The following POTEF variants were observed in gnomAD, a reference collection of about 807,000 sequenced individuals.
POTEF encodes the protein ANKRD26-like family C member 1B.
POTEF carries 20 observed loss-of-function variants against 83.2 expected under a neutral mutation model. The observed-to-expected ratio is 0.24, with a 90% CI of 0.17 to 0.35. POTEF has a LOEUF of 0.35. Among genes scored for constraint, POTEF ranks in the 10% least tolerant of loss-of-function variants. The probability of loss-of-function intolerance (pLI) is 1.00; values close to 1 mark genes in which losing one functional copy is unlikely to be tolerated. For missense variants in POTEF, 550 were observed against 1,203.2 expected, an observed-to-expected ratio of 0.46 and a Z score of 8.03; for synonymous variants, 196 against 446.4, an observed-to-expected ratio of 0.44 and a Z score of 7.07.
At position 130,073,984 on chromosome 2, in the gene POTEF, C is replaced by T; in HGVS notation, c.*260G>A. On this transcript the variant is annotated 3_prime_UTR_variant, in exon 17 of 17. Transcript: ENST00000409914. ...GGGCTTCCTGAAACAATGCGTCTCA[C>T]AATATTTGGAATGACTATTGAAAAG... The T allele has an allele frequency of 1.4e-6, 1 of 735,200 alleles. No homozygotes were observed. The highest frequency in any genetic ancestry group is 2.2e-6 in the Non-Finnish European group (1 of 463,410). The allele number at this position is 735,200 out of a possible 1,614,324, so 45.5% of individuals were successfully genotyped here. A position where few individuals can be genotyped will look rare whatever the true frequency, so the allele number is the denominator to read the frequency against.
chr2:130,118,523 C>T lies in POTEF; in HGVS notation c.521+1472G>A, dbSNP rs564910104. On this transcript the variant is annotated intron_variant, in intron 3 of 16. Coordinates refer to ENST00000409914, the MANE Select transcript of POTEF (RefSeq NM_001099771.2). ...CTGCCTGGCCAAGATGGTGAAACCC[C>T]ATCTCTACTAAAAATACAAAGCAAT... Among the ~76,000 whole-genome samples, 25 of 151,430 alleles carry T rather than the reference C, an allele frequency of 1.7e-4. No homozygotes were observed. In the East Asian group the frequency reaches 3.6e-3, roughly 22 times the overall value.
At position 130,120,196 on chromosome 2, in the gene POTEF, G is replaced by T; in HGVS notation, c.320C>A (p.Pro107His). The T allele has an allele frequency of 6.3e-7, 1 of 1,597,888 alleles. No individual in the cohort carries two copies. The highest frequency in any genetic ancestry group is 1.1e-5 in the South Asian group (1 of 89,956). The change falls in exon 3 of 17, where the codon CCC becomes CAC. Residue 107 changes from proline to histidine, a missense_variant. By Grantham distance (77) the Pro-to-His change is moderately conservative (BLOSUM62 -2). Transcript: ENST00000409914. ...KMGKWCCHCFPCCRGSSKSKV... is the reference protein window; with the variant it reads ...KMGKWCCHCFHCCRGSSKSKV... ...GCTCTTGCTGCTCCCCCTGCAGCAG[G>T]GGAAGCAGTGGCAGCACCACTTGCC...
chr2:130,119,103 C>T (rs1459575451), intron 3 of POTEF, among the ~76,000 whole-genome samples: 1 of 151,054 alleles, frequency 6.6e-6, no homozygotes, highest in Non-Finnish European at 1.5e-5. Flanking sequence ...AATTTAAAAA[C>T]GCTAAAACTT....
chr2:130,079,201 C>CA (rs1382212473), intron 15 of POTEF, among the ~76,000 whole-genome samples: 1 of 137,098 alleles, frequency 7.3e-6, no homozygotes, highest in African/African-American at 3.0e-5. Context: ...AACAAATCAA[C>CA]AGGAAAAACG....
chr2:130,121,121 CG>C (rs1157036355), intron 2 of POTEF, among the ~76,000 whole-genome samples: 2 of 150,742 alleles, frequency 1.3e-5, no homozygotes, highest in African/African-American at 4.9e-5. Flanking sequence ...CGTGTGCGCG[CG>C]GCGTGCGCGT....
intron 11 of POTEF, among the ~76,000 whole-genome samples, chr2:130,096,923 CAG>C: frequency 7.0e-6 from 1 of 143,822 alleles, no homozygotes; most frequent in Non-Finnish European, 1.5e-5. Flanking sequence ...GCCTGGGGGA[CAG>C]AGTCAAACTC....
rs1226744910 is a variant in POTEF, at chr2:130,092,976, G to A, written c.1480+462C>T. Among the ~76,000 whole-genome samples, 4 of 130,178 alleles carry A rather than the reference G, an allele frequency of 3.1e-5. No individual in the cohort carries two copies. The East Asian group carries it at 7.1e-4, about 23-fold the overall frequency. 85.4% of individuals were successfully genotyped at this position (130,178 alleles called of 152,430 possible). A position where few individuals can be genotyped will look rare whatever the true frequency, so the allele number is the denominator to read the frequency against. ...GTAGGTGCGCAGCAGGCAAGCCAGGGAAGCTTCATCTGTATTTACAGCCAC... is the reference window on the plus strand; with the variant it reads ...GTAGGTGCGCAGCAGGCAAGCCAGGAAAGCTTCATCTGTATTTACAGCCAC... On this transcript the variant is annotated intron_variant, in intron 12 of 16. Coordinates refer to ENST00000409914, the MANE Select transcript of POTEF (RefSeq NM_001099771.2).
At chr2:130,112,923 T>A (rs1193521562) in intron 5 of POTEF, among the ~76,000 whole-genome samples, 4 of 151,824 alleles carry the variant, frequency 2.6e-5, no homozygotes, top group Non-Finnish European at 5.9e-5. Context: ...AGACACAAAA[T>A]CCTGAGAGGG....
chr2:130,101,978 TA>T (rs1299784539), intron 9 of POTEF, 131 bp downstream of exon 9: 5 of 422,808 alleles, frequency 1.2e-5, no homozygotes, highest in Non-Finnish European at 2.1e-5. Flanking sequence ...AACAATCTAT[TA>T]AAAAATTCTT....
intron 3 of POTEF, among the ~76,000 whole-genome samples, chr2:130,119,308 C>T (rs13393152): frequency 0.013 from 1,954 of 151,838 alleles, 64 homozygotes; most frequent in African/African-American, 0.045. Context: ...GGACTACAGG[C>T]GTCTACCACC....
intron 8 of POTEF, 197 bp downstream of exon 8, chr2:130,107,812 T>C (rs1188741694): frequency 5.2e-6 from 3 of 579,062 alleles, no homozygotes. Context: ...TTATGGTAAG[T>C]TGTATAATTA....
chr2:130,103,688 T>C (rs1684435762), intron 8 of POTEF, among the ~76,000 whole-genome samples: 1 of 150,872 alleles, frequency 6.6e-6, no homozygotes, highest in South Asian at 2.1e-4. Flanking sequence ...AGAATTAAAA[T>C]AAAGCATGTC....
Position 130,120,015 on chromosome 2 carries a change from G to A in POTEF, c.501C>T (p.Asn167=), listed in dbSNP as rs771275816. 1 of 1,189,386 alleles carries A rather than the reference G, an allele frequency of 8.4e-7. No homozygotes were observed. Among genetic ancestry groups the A allele is most frequent in the East Asian group, 2.5e-5 (1 of 39,894 alleles). 73.7% of individuals were successfully genotyped at this position (1,189,386 alleles called of 1,614,324 possible). ...GTTACCTCTTTTGCTTGTCCTGCTT[G>A]TTCACGTCAGTGTCCCTGAGCATGA... ...LIVMLRDTDV[N]KQDKQKRTAL... is the part of the protein sequence containing the mutation. Residue 167 remains asparagine, a synonymous_variant, in exon 3 of 17, where the codon AAC becomes AAT. Coordinates refer to ENST00000409914, the MANE Select transcript of POTEF (RefSeq NM_001099771.2).
rs3100063 is a variant in POTEF at position 130,113,012 on chromosome 2, G to A, written c.811-911C>T. On this transcript the variant is annotated intron_variant, in intron 5 of 16. Transcript: ENST00000409914. ...AACGGCAGTGAATAACTGATGGTAGGAAGGAAAAGGTATTATTCTGTAAGC... is the reference window on the plus strand; with the variant it reads ...AACGGCAGTGAATAACTGATGGTAGAAAGGAAAAGGTATTATTCTGTAAGC... 1.6e-3 allele frequency among the ~76,000 whole-genome samples: 243 copies of A among 151,482 alleles called. 4 individuals are homozygous for A. The highest frequency in any genetic ancestry group is 5.5e-3 in the African/African-American group (225 of 40,880).
At chr2:130,100,841 T>C (rs1248234056) in intron 9 of POTEF, 121 bp from the exon 10 acceptor site, 2 of 692,668 alleles carry the variant, frequency 2.9e-6, no homozygotes, top group South Asian at 3.8e-5. Flanking sequence ...AATGAAAAAT[T>C]AGAAAATAAT....
intron 8 of POTEF, among the ~76,000 whole-genome samples, chr2:130,104,128 G>GT (rs1684448875): frequency 6.6e-6 from 1 of 150,616 alleles, no homozygotes; most frequent in Non-Finnish European, 1.5e-5. Context: ...GAGCTGAGAT[G>GT]ATACTATGTA....
intron 2 of POTEF, among the ~76,000 whole-genome samples, chr2:130,125,554 C>G (rs932591701): frequency 6.7e-6 from 1 of 149,434 alleles, no homozygotes; most frequent in Non-Finnish European, 1.5e-5. Flanking sequence ...AAGTTCACAC[C>G]TAAAGTAGTA....
rs565779453 is a variant in POTEF, at chr2:130,117,969, C to T, written c.521+2026G>A. Among the ~76,000 whole-genome samples, 3 of 145,938 alleles carry T rather than the reference C, an allele frequency of 2.1e-5. No individual in the cohort carries two copies. The East Asian group carries it at 6.0e-4, about 29-fold the overall frequency. On this transcript the variant is annotated intron_variant, in intron 3 of 16. Transcript: ENST00000409914. ...TTCTTTTTTTTTTTTGAGATGGAGT[C>T]TCACTCTATCACCCAGGCTGGAATG... is the stretch of plus-strand genomic sequence containing the variant.
chr2:130,127,258 G>C (rs897152976), intron 2 of POTEF, among the ~76,000 whole-genome samples: 9 of 136,566 alleles, frequency 6.6e-5, no homozygotes, highest in African/African-American at 2.0e-4. Context: ...CCAGGAAGCA[G>C]AGCTTGCAGT....
Sources: gnomAD v4.1 joint callset for allele counts (sites outside exome capture counted in the v4.1 genomes callset) on GRCh38, gnomAD v4.1.1 for gene constraint, MANE v1.5 for transcripts, NCBI Gene and HGNC (gene_info 2026-07-23, HGNC 2026-07-21) for gene names.